Variants in VWF observed in about 807,000 individuals in gnomAD.
VWF encodes the protein Factor VIII related antigen.
Under a neutral mutation model 308.6 loss-of-function variants are expected in VWF, and 176 were observed. The ratio of observed to expected loss-of-function variants is 0.57; its 90% CI spans 0.50 to 0.65. The LOEUF is 0.65. Ranked by LOEUF, VWF falls within the 30% of genes least tolerant of loss-of-function variation. The probability of loss-of-function intolerance (pLI) is 0.00; values close to 1 mark genes in which losing one functional copy is unlikely to be tolerated. For missense variants in VWF, 3,146 were observed against 3,648.2 expected, an observed-to-expected ratio of 0.86 and a Z score of 3.55; for synonymous variants, 1,385 against 1,443.4, an observed-to-expected ratio of 0.96 and a Z score of 0.92.
In VWF at chr12:5,969,274, C is replaced by A; in HGVS notation, c.7666G>T (p.Val2556Phe). ...CTCAGCTGAAAGCCCGAGGGGCAGA[C>A]AGGGACCTCCAGCTGGGGGCAGGAG... is the stretch of plus-strand genomic sequence containing the variant. ...NVSCPQLEVP[V>F]CPSGFQLSCK... Residue 2556 changes from valine to phenylalanine, a missense_variant, in exon 45 of 52, where the codon GTC (valine) becomes TTC (phenylalanine). Around this residue, in one of 3 missense-constraint regions of VWF, gnomAD observed 989 missense variants for 1,117.4 expected, o/e 0.89. Transcript: ENST00000261405. 6.2e-7 allele frequency: 1 copy of A among 1,614,190 alleles called. No homozygotes were observed.
In VWF at chr12:6,063,396, A is replaced by G. The variant is rs1267772906; in HGVS notation, c.1433-342T>C. ...GGGGGATCTCTTTAGCATTGACACCACGACATCTGAATGTGCCTGGGACAC... is the reference window on the plus strand; with the variant it reads ...GGGGGATCTCTTTAGCATTGACACCGCGACATCTGAATGTGCCTGGGACAC... On this transcript the variant is annotated intron_variant, in intron 12 of 51. Transcript: ENST00000261405. This position sits in a 1 kb window ranked among gnomAD's most constrained non-coding sequence, Gnocchi z 4.9. Among the ~76,000 whole-genome samples the G allele has an allele frequency of 6.6e-6, 1 of 152,118 alleles. No homozygotes were observed.
At chr12:6,089,231 G>A (rs1945005817) in intron 6 of VWF, among the ~76,000 whole-genome samples, 1 of 152,210 alleles carries the variant, frequency 6.6e-6, no homozygotes, top group Non-Finnish European at 1.5e-5. Flanking sequence ...ACGAGTCATT[G>A]TGCTTCCGAG....
At chr12:5,953,334 G>T (rs1213894514) in intron 48 of VWF, among the ~76,000 whole-genome samples, 162 bp downstream of exon 48, 2 of 152,136 alleles carry the variant, frequency 1.3e-5, no homozygotes, top group African/African-American at 4.8e-5. Flanking sequence ...AAAATTCTGT[G>T]CCTGCAATAA....
intron 43 of VWF, 142 bp from the exon 44 acceptor site, chr12:5,971,851 C>A (rs998333916): frequency 3.6e-5 from 27 of 756,162 alleles, no homozygotes; most frequent in Non-Finnish European, 1.9e-5. Context: ...TGTCAACCAG[C>A]CTCAGGGCCA....
intron 3 of VWF, among the ~76,000 whole-genome samples, chr12:6,114,401 G>T (rs550819714): frequency 1.3e-5 from 2 of 152,158 alleles, no homozygotes; most frequent in African/African-American, 4.8e-5. Flanking sequence ...CCCGGAGGTC[G>T]CTATGGCTAT....
At chr12:6,039,200 C>G (rs1944369730) in intron 18 of VWF, among the ~76,000 whole-genome samples, 1 of 152,234 alleles carries the variant, frequency 6.6e-6, no homozygotes, top group Non-Finnish European at 1.5e-5. Flanking sequence ...CCCCTGAAGA[C>G]TTCAGAAGAA....
At chr12:6,040,783 G>T (rs147867893) in intron 18 of VWF, among the ~76,000 whole-genome samples, 2 of 152,342 alleles carry the variant, frequency 1.3e-5, no homozygotes, top group African/African-American at 4.8e-5. Flanking sequence ...CCTGCAGCTT[G>T]TGGGGTCAAC....
At chr12:6,000,230 C>T (rs1943855444) in intron 34 of VWF, among the ~76,000 whole-genome samples, 1 of 152,132 alleles carries the variant, frequency 6.6e-6, no homozygotes, top group Non-Finnish European at 1.5e-5. Flanking sequence ...TATTACAGTA[C>T]ACTATTAGAC....
intron 16 of VWF, among the ~76,000 whole-genome samples, chr12:6,048,555 C>T (rs1043462170): frequency 5.9e-5 from 9 of 152,038 alleles, no homozygotes; most frequent in Non-Finnish European, 1.3e-4. Flanking sequence ...CTCCACTTCC[C>T]GGGTTCAAGC....
chr12:5,985,310 A>G (rs1343123579), intron 39 of VWF, among the ~76,000 whole-genome samples, 191 bp from the exon 40 acceptor site: 1 of 152,194 alleles, frequency 6.6e-6, no homozygotes. Flanking sequence ...TTTACCCTCC[A>G]GGGGACTCTT....
At chr12:6,096,060 C>T (rs921653153) in intron 5 of VWF, 23 of 205,226 alleles carry the variant, frequency 1.1e-4, no homozygotes, top group African/African-American at 5.1e-4. Flanking sequence ...AGGGCATGGG[C>T]ATCAGAGCTC....
At chr12:5,968,364 GC>G in intron 45 of VWF, 197 bp from the exon 46 acceptor site, 1 of 605,046 alleles carries the variant, frequency 1.7e-6, no homozygotes, top group Non-Finnish European at 2.9e-6. Flanking sequence ...TCCCCATGCA[GC>G]CCACAATGAG....
intron 34 of VWF, among the ~76,000 whole-genome samples, chr12:5,998,288 GGAGATC>G (rs1318545588): frequency 4.0e-5 from 6 of 150,846 alleles, no homozygotes; most frequent in Non-Finnish European, 3.0e-5. Context: ...CACAAGGTCA[GGAGATC>G]GAGACCATCC....
chr12:6,076,512 A>T (rs1944846740), intron 6 of VWF, among the ~76,000 whole-genome samples: 1 of 151,780 alleles, frequency 6.6e-6, no homozygotes, highest in Non-Finnish European at 1.5e-5. Context: ...TCATGGATAT[A>T]TATGATCCCC....
chr12:6,065,210 C>G lies in VWF; in HGVS notation c.1220G>C (p.Ser407Thr). Residue 407 changes from serine to threonine, a missense_variant, in exon 11 of 52, where the codon AGT (serine) becomes ACT (threonine). Physicochemically the swap from Ser to Thr is moderately conservative, Grantham distance 58. Around this residue, in one of 3 missense-constraint regions of VWF, gnomAD observed 1,304 missense variants for 1,353.0 expected, o/e 0.96. Transcript: ENST00000261405. The stretch of plus-strand genomic sequence containing the variant: ...GGCCAGCAGGTACTGGCAGATCCCA[C>G]TGAAGGTGAAGTATCTGTTGTCAAA... ...KSFDNRYFTFSGICQYLLARD... is the reference protein window; with the variant it reads ...KSFDNRYFTFTGICQYLLARD... 1 of 1,614,174 alleles carries G rather than the reference C, an allele frequency of 6.2e-7. No individual in the cohort carries two copies. Among genetic ancestry groups the G allele is most frequent in the African/African-American group, 1.3e-5 (1 of 75,044 alleles).
At chr12:5,964,542 T>A (rs1363438865) in intron 47 of VWF, among the ~76,000 whole-genome samples, 1 of 152,172 alleles carries the variant, frequency 6.6e-6, no homozygotes, top group Non-Finnish European at 1.5e-5. Flanking sequence ...CATTCAGAGA[T>A]CCATTCATTG....
chr12:6,121,918 G>A (rs1945436907), intron 2 of VWF, among the ~76,000 whole-genome samples: 1 of 151,488 alleles, frequency 6.6e-6, no homozygotes. Flanking sequence ...GCGACAGAGT[G>A]AGACTCTGTC....
At chr12:6,113,429 C>A (rs1197101494) in intron 3 of VWF, among the ~76,000 whole-genome samples, 1 of 151,800 alleles carries the variant, frequency 6.6e-6, no homozygotes, top group Non-Finnish European at 1.5e-5. Flanking sequence ...TCCCGAGTAG[C>A]TGGGACTACA....
chr12:5,960,269 T>A (rs1025938526), intron 47 of VWF, among the ~76,000 whole-genome samples: 1 of 151,878 alleles, frequency 6.6e-6, no homozygotes, highest in Non-Finnish European at 1.5e-5. Flanking sequence ...CCAACTTAAA[T>A]ACACGGATAA....
Sources: allele counts gnomAD v4.1 joint callset (sites outside exome capture counted in the v4.1 genomes callset), GRCh38; gene constraint gnomAD v4.1.1; regional missense constraint gnomAD v4.1.1; non-coding constraint Gnocchi (gnomAD v3.1); transcripts MANE v1.5; gene names NCBI Gene and HGNC (gene_info 2026-07-23, HGNC 2026-07-21).